The following PUS10 variants were observed in gnomAD, a reference collection of about 807,000 sequenced individuals.
The protein encoded by PUS10 is pseudouridine synthase 10.
Under a neutral mutation model 75.0 loss-of-function variants are expected in PUS10, and 59 were observed. That is an observed-to-expected ratio of 0.79 (90% CI 0.64 to 0.98). The LOEUF (loss-of-function observed/expected upper bound fraction) is 0.98, where lower values mean the gene tolerates loss of function less well. PUS10 is among the 50% of genes least tolerant of loss of function. PUS10 has a pLI of 0.00. For missense variants in PUS10, 650 were observed against 614.4 expected (o/e 1.06, Z -0.61); for synonymous variants, 219 against 211.6 (o/e 1.03, Z -0.30).
At chr2:60,965,198 C>A in intron 7 of PUS10, 95 bp from the exon 8 acceptor site, 1 of 1,250,170 alleles carries the variant, frequency 8.0e-7, no homozygotes, top group South Asian at 1.2e-5. Flanking sequence ...CTGCTAAACT[C>A]AGGACATCAG....
chr2:60,968,187 C>T (rs1676456606), intron 5 of PUS10, among the ~76,000 whole-genome samples: 1 of 152,076 alleles, frequency 6.6e-6, no homozygotes, highest in Admixed American at 6.5e-5. Context: ...ATTTGACATT[C>T]CCCCAAAATA....
At chr2:60,942,545 A>G (rs946068566) in intron 17 of PUS10, 112 bp from the exon 18 acceptor site, 5 of 829,212 alleles carry the variant, frequency 6.0e-6, no homozygotes, top group Admixed American at 4.3e-5. Context: ...AAGAAACTGC[A>G]TTTGAAGAAA....
intron 4 of PUS10, among the ~76,000 whole-genome samples, chr2:60,991,662 T>C (rs1336172413): frequency 6.6e-6 from 1 of 152,122 alleles, no homozygotes; most frequent in Non-Finnish European, 1.5e-5. Context: ...CCAATTTAAT[T>C]AGTACTTTTA....
At chr2:60,989,050 T>C (rs1373628922) in intron 4 of PUS10, among the ~76,000 whole-genome samples, 1 of 152,074 alleles carries the variant, frequency 6.6e-6, no homozygotes, top group African/African-American at 2.4e-5. Flanking sequence ...AGCAACAATT[T>C]GAAAGCTAGA....
chr2:60,970,566 A>C (rs1676594685), intron 5 of PUS10, among the ~76,000 whole-genome samples: 1 of 152,164 alleles, frequency 6.6e-6, no homozygotes, highest in Admixed American at 6.5e-5. Flanking sequence ...CGATTTAGAG[A>C]CTTTATCAAA....
chr2:60,980,824 G>A (rs1213040236), intron 4 of PUS10, among the ~76,000 whole-genome samples: 1 of 152,098 alleles, frequency 6.6e-6, no homozygotes, highest in Non-Finnish European at 1.5e-5. Flanking sequence ...ATGAGTACAG[G>A]CACCTTCAAA....
chr2:61,017,785 C>T (rs764069625), intron 1 of PUS10: 5 of 1,550,210 alleles, frequency 3.2e-6, no homozygotes, highest in Admixed American at 2.0e-5. Context: ...CCACCTCCCC[C>T]CAAACCCTGG....
At chr2:60,972,265 C>T (rs922126700) in intron 4 of PUS10, among the ~76,000 whole-genome samples, 3 of 149,812 alleles carry the variant, frequency 2.0e-5, no homozygotes, top group Non-Finnish European at 3.0e-5. Flanking sequence ...AGATCGAGAC[C>T]ATCCTGGCTA....
chr2:60,985,673 G>T (rs1300109575), intron 4 of PUS10, among the ~76,000 whole-genome samples: 1 of 151,986 alleles, frequency 6.6e-6, no homozygotes, highest in African/African-American at 2.4e-5. Context: ...GCTAATTTTT[G>T]TATTTTTAGT....
chr2:61,007,282 C>T (rs1375493082), intron 3 of PUS10, among the ~76,000 whole-genome samples: 5 of 150,118 alleles, frequency 3.3e-5, no homozygotes, highest in Admixed American at 6.7e-5. Flanking sequence ...TTGAAATGAA[C>T]GGCAGTGTTC....
At chr2:60,962,047 T>C (rs1676056672) in intron 9 of PUS10, among the ~76,000 whole-genome samples, 1 of 152,228 alleles carries the variant, frequency 6.6e-6, no homozygotes, top group Non-Finnish European at 1.5e-5. Context: ...AAATGTAAGG[T>C]TTATTGCATT....
intron 7 of PUS10, 123 bp from the exon 8 acceptor site, chr2:60,965,226 C>A: frequency 9.6e-7 from 1 of 1,045,904 alleles, no homozygotes; most frequent in Non-Finnish European, 1.5e-6. Context: ...CAAAATGAGT[C>A]CCTGTATGAG....
chr2:60,970,658 G>T (rs1017443014), intron 5 of PUS10, among the ~76,000 whole-genome samples: 2 of 152,030 alleles, frequency 1.3e-5, no homozygotes, highest in Non-Finnish European at 2.9e-5. Context: ...CCTGGGCGGG[G>T]GAGGGGACGG....
intron 4 of PUS10, among the ~76,000 whole-genome samples, chr2:61,005,593 G>A (rs1484333336): frequency 6.6e-6 from 1 of 152,122 alleles, no homozygotes; most frequent in Non-Finnish European, 1.5e-5. Flanking sequence ...TACCAAAATT[G>A]GACCAGAAGA....
At chr2:60,971,865 CTTTTTTTT>C (rs756222357) in intron 4 of PUS10, among the ~76,000 whole-genome samples, 2 of 99,638 alleles carry the variant, frequency 2.0e-5, no homozygotes, top group Non-Finnish European at 3.9e-5. Flanking sequence ...TCTTTCTTCT[CTTTTTTTT>C]TTTTTTTTTT....
Position 61,007,960 on chromosome 2 carries a change from C to T in PUS10, c.381+801G>A, listed in dbSNP as rs192591404. Among the ~76,000 whole-genome samples the T allele has an allele frequency of 2.0e-3, 305 of 151,890 alleles. 4 individuals are homozygous for T. Among genetic ancestry groups the T allele is most frequent in the East Asian group, 6.2e-3 (32 of 5,160 alleles). On this transcript the variant is annotated intron_variant, in intron 3 of 17. Coordinates refer to ENST00000316752, the MANE Select transcript of PUS10 (RefSeq NM_144709.4). ...AGCTGGGTGGCGGGTGCCTGTAGTC[C>T]CAGCTACTCGGGAGGCTGAGGTAGG...
intron 13 of PUS10, 34 bp from the exon 14 acceptor site, chr2:60,954,022 G>A: frequency 6.2e-7 from 1 of 1,607,852 alleles, no homozygotes; most frequent in Non-Finnish European, 8.5e-7. Flanking sequence ...CAATTAGCAA[G>A]TCTAGCTCAG....
At chr2:60,961,951 T>G (rs1041455415) in intron 9 of PUS10, among the ~76,000 whole-genome samples, 1 of 152,230 alleles carries the variant, frequency 6.6e-6, no homozygotes, top group Non-Finnish European at 1.5e-5. Flanking sequence ...CCTTATCACA[T>G]CATCGTTTGA....
intron 4 of PUS10, among the ~76,000 whole-genome samples, chr2:60,975,389 C>T (rs938008162): frequency 2.8e-4 from 42 of 152,030 alleles, no homozygotes; most frequent in Non-Finnish European, 6.0e-4. Context: ...TCGTGATCCG[C>T]CCGCCTTGGC....
Sources: gnomAD v4.1 joint callset for allele counts (sites outside exome capture counted in the v4.1 genomes callset) on GRCh38, gnomAD v4.1.1 for gene constraint, MANE v1.5 for transcripts, NCBI Gene and HGNC (gene_info 2026-07-23, HGNC 2026-07-21) for gene names.